The following FAT3 variants were observed in gnomAD, a reference collection of about 807,000 sequenced individuals.
The protein encoded by FAT3 is protocadherin Fat 3.
In FAT3, 95 loss-of-function variants were observed where a neutral mutation model predicts 310.2. The observed-to-expected ratio is 0.31, with a 90% CI of 0.26 to 0.36. FAT3 has a LOEUF of 0.36. Ranked by LOEUF, FAT3 falls within the 10% of genes least tolerant of loss-of-function variation. The pLI, the probability that FAT3 is intolerant of heterozygous loss-of-function variation, is 1.00. For missense variants in FAT3, 5,408 were observed against 5,715.6 expected (o/e 0.95, Z 1.74); for synonymous variants, 2,314 against 2,192.9 (o/e 1.06, Z -1.54).
At chr11:92,395,428 A>G (rs1480256636) in intron 2 of FAT3, among the ~76,000 whole-genome samples, 5 of 152,184 alleles carry the variant, frequency 3.3e-5, no homozygotes, top group African/African-American at 9.7e-5. Context: ...AATTATGCCC[A>G]GGTCTTTCAT....
chr11:92,668,539 T>C (rs997372626), intron 3 of FAT3, among the ~76,000 whole-genome samples: 18 of 152,188 alleles, frequency 1.2e-4, no homozygotes, highest in Admixed American at 6.5e-5. Context: ...CTCACAAATA[T>C]GGGCTTGTAT....
intron 8 of FAT3, among the ~76,000 whole-genome samples, chr11:92,792,241 C>T (rs1340580270): frequency 1.1e-4 from 16 of 152,168 alleles, no homozygotes; most frequent in Admixed American, 1.0e-3. Flanking sequence ...TGACTCTAAG[C>T]TTCTTGAGGG....
chr11:92,882,967 C>A lies in FAT3; in HGVS notation c.12511C>A (p.Leu4171Ile). 1 of 1,613,890 alleles carries A rather than the reference C, an allele frequency of 6.2e-7. No homozygotes were observed. The highest frequency in any genetic ancestry group is 8.5e-7 in the Non-Finnish European group (1 of 1,179,840). ...CTTCGTCATCTTCATCCTGGTGGTT[C>A]TCTTCATAGTCTTCCGCAAGAAGGT... ...VLFVIFILVV[L>I]FIVFRKKVFR... Residue 4171 changes from leucine to isoleucine, a missense_variant, in exon 24 of 28, where the codon CTC (leucine) becomes ATC (isoleucine). Leu to Ile is a conservative substitution (Grantham distance 5, BLOSUM62 2). Coordinates refer to ENST00000525166, the MANE Select transcript of FAT3 (RefSeq NM_001367949.2).
At chr11:92,544,274 A>G (rs1167854212) in intron 3 of FAT3, among the ~76,000 whole-genome samples, 1 of 152,192 alleles carries the variant, frequency 6.6e-6, no homozygotes, top group African/African-American at 2.4e-5. Flanking sequence ...GCACTTAGAT[A>G]GAAGAAATAA....
chr11:92,529,440 G>A (rs560378340), intron 3 of FAT3, among the ~76,000 whole-genome samples: 14 of 152,320 alleles, frequency 9.2e-5, no homozygotes, highest in African/African-American at 2.4e-4. Context: ...TAAATGTCAG[G>A]AAAGTGGTAA....
chr11:92,871,089 A>T (rs1418920000), intron 22 of FAT3, among the ~76,000 whole-genome samples: 1 of 152,206 alleles, frequency 6.6e-6, no homozygotes, highest in Non-Finnish European at 1.5e-5. Context: ...GTTCAAGGTT[A>T]TAGTGAGCTA....
At chr11:92,531,837 T>G (rs147105831) in intron 3 of FAT3, among the ~76,000 whole-genome samples, 9 of 152,288 alleles carry the variant, frequency 5.9e-5, no homozygotes, top group Non-Finnish European at 1.2e-4. Context: ...GTGGATGTTT[T>G]TGGTCACATA....
chr11:92,652,721 G>A (rs512182), intron 3 of FAT3, among the ~76,000 whole-genome samples: 87,353 of 152,074 alleles, frequency 0.57, 26,828 homozygotes, highest in African/African-American at 0.8. Context: ...TCTTTGGTAT[G>A]TGTATGTGTG....
chr11:92,578,277 T>G lies in FAT3; in HGVS notation c.3607+53329T>G, dbSNP rs146832898. 5.5e-3 allele frequency among the ~76,000 whole-genome samples: 844 copies of G among 152,218 alleles called. 5 individuals carry two copies. The highest frequency in any genetic ancestry group is 0.019 in the African/African-American group (801 of 41,548). Reference sequence around the variant, plus strand: ...TCTCTATATTAACAGATTGTGAGTGTGCTAAATCATTTTAAATAATTATAC... The same window carrying G: ...TCTCTATATTAACAGATTGTGAGTGGGCTAAATCATTTTAAATAATTATAC... On this transcript the variant is annotated intron_variant, in intron 3 of 27. Transcript: ENST00000525166.
chr11:92,816,123 G>A (rs1947820180), intron 13 of FAT3, among the ~76,000 whole-genome samples: 1 of 152,178 alleles, frequency 6.6e-6, no homozygotes, highest in Admixed American at 6.5e-5. Flanking sequence ...CTAAGAGTTG[G>A]GACTTGAACT....
At chr11:92,853,359 C>T (rs1784834790) in intron 19 of FAT3, among the ~76,000 whole-genome samples, 1 of 152,222 alleles carries the variant, frequency 6.6e-6, no homozygotes, top group South Asian at 2.1e-4. Context: ...CAGTGGTGCC[C>T]AGAAGCTTGG....
intron 3 of FAT3, among the ~76,000 whole-genome samples, chr11:92,607,911 G>A (rs182589120): frequency 6.6e-5 from 10 of 151,932 alleles, no homozygotes; most frequent in African/African-American, 2.2e-4. Flanking sequence ...CCTTTGTCCC[G>A]ATAAGACTTT....
At chr11:92,226,238 T>C (rs1863902867) in intron 1 of FAT3, among the ~76,000 whole-genome samples, 1 of 152,088 alleles carries the variant, frequency 6.6e-6, no homozygotes, top group African/African-American at 2.4e-5. Flanking sequence ...CCGGCTTGCA[T>C]GATGGCGAGC....
chr11:92,641,213 G>A (rs565713767), intron 3 of FAT3, among the ~76,000 whole-genome samples: 1 of 151,996 alleles, frequency 6.6e-6, no homozygotes, highest in Non-Finnish European at 1.5e-5. Context: ...CACAAAAAAT[G>A]TTCACCATAT....
chr11:92,813,740 T>C (rs990174542), intron 13 of FAT3, among the ~76,000 whole-genome samples: 3 of 152,250 alleles, frequency 2.0e-5, no homozygotes, highest in African/African-American at 7.2e-5. Flanking sequence ...CCAAGTTGTC[T>C]AATTGGTTTT....
At chr11:92,618,608 C>A (rs977449873) in intron 3 of FAT3, among the ~76,000 whole-genome samples, 4 of 152,178 alleles carry the variant, frequency 2.6e-5, no homozygotes, top group African/African-American at 7.2e-5. Flanking sequence ...CATCTTGGAA[C>A]CCCCTCTGGA....
At chr11:92,643,804 A>G (rs1453872896) in intron 3 of FAT3, among the ~76,000 whole-genome samples, 2 of 152,242 alleles carry the variant, frequency 1.3e-5, no homozygotes, top group Non-Finnish European at 2.9e-5. Context: ...TTTTGTTCTC[A>G]TACGGTATTG....
intron 3 of FAT3, among the ~76,000 whole-genome samples, chr11:92,562,519 A>G (rs1955266532): frequency 6.6e-6 from 1 of 152,254 alleles, no homozygotes; most frequent in African/African-American, 2.4e-5. Context: ...CCAGAGAAAC[A>G]GAATGAATAG....
intron 3 of FAT3, among the ~76,000 whole-genome samples, chr11:92,528,425 C>T (rs1298280060): frequency 2.0e-5 from 3 of 152,182 alleles, no homozygotes; most frequent in Admixed American, 1.3e-4. Flanking sequence ...TTCGCTCAGT[C>T]GCCCAGGCTG....
Sources: gnomAD v4.1 joint callset for allele counts (sites outside exome capture counted in the v4.1 genomes callset) on GRCh38, gnomAD v4.1.1 for gene constraint, MANE v1.5 for transcripts, NCBI Gene and HGNC (gene_info 2026-07-23, HGNC 2026-07-21) for gene names.